The following EFNA5 variants were observed in gnomAD, a reference collection of about 807,000 sequenced individuals.
EFNA5 encodes ephrin A5, also known as ephrin-A5.
EFNA5 carries 5 observed loss-of-function variants against 22.9 expected under a neutral mutation model. The observed-to-expected ratio is 0.22, with a 90% CI of 0.11 to 0.46. The LOEUF (loss-of-function observed/expected upper bound fraction) is 0.46, where lower values mean the gene tolerates loss of function less well. Ranked by LOEUF, EFNA5 falls within the 20% of genes least tolerant of loss-of-function variation. The pLI is 0.99. For missense variants in EFNA5, 237 were observed against 293.3 expected (o/e 0.81, Z 1.40); for synonymous variants, 113 against 112.2 (o/e 1.01, Z -0.04).
At chr5:107,589,012 G>C (rs1749255353) in intron 1 of EFNA5, among the ~76,000 whole-genome samples, 1 of 152,118 alleles carries the variant, frequency 6.6e-6, no homozygotes, top group African/African-American at 2.4e-5. Flanking sequence ...ACATATCCTG[G>C]AACTGCCATT....
chr5:107,450,579 G>A (rs1749532890), intron 1 of EFNA5, among the ~76,000 whole-genome samples: 1 of 152,114 alleles, frequency 6.6e-6, no homozygotes, highest in African/African-American at 2.4e-5. Flanking sequence ...CAAAAATTTT[G>A]TCTATAATTG....
intron 1 of EFNA5, among the ~76,000 whole-genome samples, chr5:107,630,241 T>C (rs953738083): frequency 1.3e-5 from 2 of 152,146 alleles, no homozygotes; most frequent in Admixed American, 1.3e-4. Context: ...TCATGTGTCA[T>C]TTAATGAAGG....
intron 1 of EFNA5, among the ~76,000 whole-genome samples, chr5:107,619,429 A>G (rs758531412): frequency 3.9e-5 from 6 of 151,918 alleles, no homozygotes; most frequent in Admixed American, 6.6e-5. Flanking sequence ...TCTAATCTAA[A>G]TCATGCTCCT....
At chr5:107,430,661 G>A (rs758522729) in intron 1 of EFNA5, among the ~76,000 whole-genome samples, 1 of 151,942 alleles carries the variant, frequency 6.6e-6, no homozygotes, top group Non-Finnish European at 1.5e-5. Context: ...TCTACTTTGT[G>A]TTGACCAGCT....
intron 1 of EFNA5, among the ~76,000 whole-genome samples, chr5:107,636,902 G>A (rs376544271): frequency 9.4e-4 from 143 of 152,288 alleles, no homozygotes; most frequent in African/African-American, 3.3e-3. Flanking sequence ...AGTATTTAGT[G>A]TTTTACAAAT....
chr5:107,405,899 TTTATATACATAGA>T (rs1454099761), intron 2 of EFNA5, among the ~76,000 whole-genome samples: 3 of 148,274 alleles, frequency 2.0e-5, no homozygotes, highest in Admixed American at 2.0e-4. Flanking sequence ...ATTCTATGTA[TTTATATACATAGA>T]ATGTATACAA....
intron 1 of EFNA5, among the ~76,000 whole-genome samples, chr5:107,441,396 C>T (rs1355702120): frequency 6.6e-6 from 1 of 152,146 alleles, no homozygotes; most frequent in Non-Finnish European, 1.5e-5. Flanking sequence ...ATATTCAGGG[C>T]TGGAGCAAGG....
chr5:107,447,432 A>T (rs1749426491), intron 1 of EFNA5, among the ~76,000 whole-genome samples: 1 of 152,220 alleles, frequency 6.6e-6, no homozygotes, highest in African/African-American at 2.4e-5. Context: ...ATTCAAGACA[A>T]GTATATTGAT....
intron 1 of EFNA5, among the ~76,000 whole-genome samples, chr5:107,520,448 G>A (rs1747570700): frequency 1.3e-5 from 2 of 152,180 alleles, no homozygotes; most frequent in South Asian, 4.1e-4. Flanking sequence ...AAAAAAGCAT[G>A]ATCTTGGTTA....
chr5:107,495,040 A>T (rs1021500689), intron 1 of EFNA5, among the ~76,000 whole-genome samples: 1 of 152,070 alleles, frequency 6.6e-6, no homozygotes, highest in African/African-American at 2.4e-5. Context: ...CAGCTCTACC[A>T]ATCAGCAGGA....
At chr5:107,526,262 C>T (rs1461905078) in intron 1 of EFNA5, among the ~76,000 whole-genome samples, 3 of 152,178 alleles carry the variant, frequency 2.0e-5, no homozygotes, top group Admixed American at 6.5e-5. Context: ...TTGCAATAAC[C>T]ATTAGGTTTC....
chr5:107,639,246 G>A (rs1274133576), intron 1 of EFNA5, among the ~76,000 whole-genome samples: 1 of 152,164 alleles, frequency 6.6e-6, no homozygotes, highest in Non-Finnish European at 1.5e-5. Flanking sequence ...AAAGTCAGAG[G>A]AGCAGCAGTG....
intron 1 of EFNA5, among the ~76,000 whole-genome samples, chr5:107,469,419 G>C (rs1330889012): frequency 1.3e-5 from 2 of 151,618 alleles, no homozygotes; most frequent in Non-Finnish European, 2.9e-5. Flanking sequence ...CCTGAATAAA[G>C]ACTTCTCAAA....
At position 107,383,383 on chromosome 5, in the gene EFNA5, G is replaced by A. The variant is rs941564984; in HGVS notation, c.566-2007C>T. On this transcript the variant is annotated intron_variant, in intron 4 of 4. Transcript: ENST00000333274. Reference sequence around the variant, plus strand: ...CTATTCTCTGCTCTTTTTCAGCCTTGCAAGTGTATTAATTAAATCTGTAGT... The same window carrying A: ...CTATTCTCTGCTCTTTTTCAGCCTTACAAGTGTATTAATTAAATCTGTAGT... Among the ~76,000 whole-genome samples the A allele has an allele frequency of 2.0e-5, 3 of 152,296 alleles. No homozygotes were observed. The South Asian group carries it at 6.2e-4, about 32-fold the overall frequency.
At chr5:107,493,394 C>T (rs1411106949) in intron 1 of EFNA5, among the ~76,000 whole-genome samples, 1 of 152,014 alleles carries the variant, frequency 6.6e-6, no homozygotes, top group Non-Finnish European at 1.5e-5. Flanking sequence ...TGAATGTGTG[C>T]GGTAACTGCA....
At chr5:107,448,874 A>AAATAAATAAAT (rs1749471483) in intron 1 of EFNA5, among the ~76,000 whole-genome samples, 1 of 147,060 alleles carries the variant, frequency 6.8e-6, no homozygotes, top group Non-Finnish European at 1.5e-5. Flanking sequence ...AATAAATAAA[A>AAATAAATAAAT]TAAAATAAAA....
chr5:107,467,098 G>A (rs186144305), intron 1 of EFNA5, among the ~76,000 whole-genome samples: 165 of 152,100 alleles, frequency 1.1e-3, no homozygotes, highest in Non-Finnish European at 1.4e-3. Flanking sequence ...GAACAAAATC[G>A]AAATAAAAAT....
chr5:107,398,709 G>T (rs764854194), intron 2 of EFNA5, among the ~76,000 whole-genome samples: 6 of 151,408 alleles, frequency 4.0e-5, no homozygotes, highest in Admixed American at 6.6e-5. Context: ...TTTTTTATTG[G>T]CCAGGTGTGG....
chr5:107,428,132 A>G (rs1222261216), intron 1 of EFNA5, among the ~76,000 whole-genome samples: 2 of 152,234 alleles, frequency 1.3e-5, no homozygotes, highest in African/African-American at 4.8e-5. Context: ...TGAGTGATTG[A>G]GCCAAACCTA....
Sources: allele counts gnomAD v4.1 joint callset (sites outside exome capture counted in the v4.1 genomes callset), GRCh38; gene constraint gnomAD v4.1.1; transcripts MANE v1.5; gene names NCBI Gene and HGNC (gene_info 2026-07-23, HGNC 2026-07-21).